Variants in GPHN observed in about 807,000 individuals in gnomAD.
GPHN encodes gephyrin.
GPHN carries 17 observed loss-of-function variants against 95.5 expected under a neutral mutation model. The ratio of observed to expected loss-of-function variants is 0.18; its 90% confidence interval spans 0.12 to 0.27. The LOEUF (loss-of-function observed/expected upper bound fraction) is 0.27. Among genes scored for constraint, GPHN ranks in the 10% least tolerant of loss-of-function variants. The pLI is 1.00. For synonymous variants in GPHN, 320 were observed against 322.5 expected, an observed-to-expected ratio of 0.99 and a Z score of 0.08; for missense variants, 660 against 978.1, an observed-to-expected ratio of 0.67 and a Z score of 4.34.
Position 67,036,931 on chromosome 14 carries a change from C to T in GPHN, c.1006+13256C>T, listed in dbSNP as rs183525234. Among the ~76,000 whole-genome samples, 320 of 151,972 alleles carry T rather than the reference C, an allele frequency of 2.1e-3. 1 individual carries two copies. Among genetic ancestry groups the T allele is most frequent in the African/African-American group, 7.2e-3 (301 of 41,522 alleles). On this transcript the variant is annotated intron_variant, in intron 10 of 22. Transcript: ENST00000478722. ...CATTTTTTATAGAAATAGAAAGTAC[C>T]ACCCTAAAATTCATATAGAATTTCA...
At chr14:67,306,752 ACTG>A in the GPHN span, among the ~76,000 whole-genome samples, 2 of 152,230 alleles carry the variant, frequency 1.3e-5, no homozygotes, top group African/African-American at 4.8e-5. Flanking sequence ...CTTAAAATGA[ACTG>A]CTATTATTAA....
chr14:67,505,203 G>T, the GPHN span, among the ~76,000 whole-genome samples: 1 of 152,126 alleles, frequency 6.6e-6, no homozygotes, highest in African/African-American at 2.4e-5. Flanking sequence ...GGTATAGAGG[G>T]TCAGAATGGG....
At chr14:66,726,725 A>T (rs766850392) in intron 2 of GPHN, among the ~76,000 whole-genome samples, 3 of 152,128 alleles carry the variant, frequency 2.0e-5, no homozygotes, top group Non-Finnish European at 4.4e-5. Context: ...ACACAGATTG[A>T]CCCTCCCTCA....
At chr14:67,130,705 A>G (rs551716673) in intron 17 of GPHN, among the ~76,000 whole-genome samples, 9 of 151,968 alleles carry the variant, frequency 5.9e-5, no homozygotes, top group Admixed American at 2.0e-4. Context: ...GGCTGAACCA[A>G]TCTACACTCC....
intron 1 of GPHN, among the ~76,000 whole-genome samples, chr14:66,670,344 A>G (rs1032302967): frequency 6.6e-6 from 1 of 152,214 alleles, no homozygotes; most frequent in Non-Finnish European, 1.5e-5. Flanking sequence ...CTTTCACCAG[A>G]AATATAAAGC....
intron 1 of GPHN, among the ~76,000 whole-genome samples, chr14:66,675,698 G>A (rs1180854512): frequency 6.6e-6 from 1 of 152,050 alleles, no homozygotes; most frequent in Non-Finnish European, 1.5e-5. Context: ...CAGATGTCCT[G>A]AAGCATTTCT....
the GPHN span, chr14:67,576,575 A>G: frequency 1.3e-6 from 1 of 790,858 alleles, no homozygotes; most frequent in South Asian, 1.5e-5. The surrounding 1 kb of genome is among the most constrained non-coding windows in gnomAD (Gnocchi z 4.0). Context: ...AAGATCCCAA[A>G]GAAAGCAGTG....
rs567129307 is a variant in GPHN at position 67,177,274 on chromosome 14, C to T, written c.2080-2304C>T. Among the ~76,000 whole-genome samples, 53 of 152,180 alleles carry T rather than the reference C, an allele frequency of 3.5e-4. 2 individuals are homozygous for T. In the South Asian group the frequency reaches 0.011, roughly 30 times the overall value. On this transcript the variant is annotated intron_variant, in intron 21 of 22. Coordinates refer to ENST00000478722, the MANE Select transcript of GPHN (RefSeq NM_020806.5). ...ACGTGTCCCAAAGATTCTGGTATGT[C>T]GTGTCTTTGTTCTCATTGGTTTCAA...
intron 1 of GPHN, among the ~76,000 whole-genome samples, chr14:66,565,531 C>T (rs149910111): frequency 6.6e-6 from 1 of 152,088 alleles, no homozygotes; most frequent in Non-Finnish European, 1.5e-5. Context: ...AACTCTTGGG[C>T]TCAAGTGATC....
intron 1 of GPHN, among the ~76,000 whole-genome samples, chr14:66,616,017 TC>T: frequency 6.6e-6 from 1 of 151,994 alleles, no homozygotes; most frequent in Non-Finnish European, 1.5e-5. Context: ...TTGTTGAAGA[TC>T]AGATGGTTGT....
At chr14:67,605,721 T>TA in the GPHN span, among the ~76,000 whole-genome samples, 1 of 152,140 alleles carries the variant, frequency 6.6e-6, no homozygotes, top group Non-Finnish European at 1.5e-5. Context: ...CTCGCTTTGT[T>TA]ACCTAGGCTG....
chr14:67,275,742 A>C, the GPHN span, among the ~76,000 whole-genome samples: 2 of 152,084 alleles, frequency 1.3e-5, no homozygotes, highest in South Asian at 4.1e-4. Context: ...CTGCGAATCC[A>C]TTTGGTCCTG....
intron 13 of GPHN, among the ~76,000 whole-genome samples, chr14:67,102,063 G>C (rs955511892): frequency 6.6e-6 from 1 of 151,698 alleles, no homozygotes; most frequent in Admixed American, 6.6e-5. Context: ...TAGTAGAGAG[G>C]GGATTTCACC....
the GPHN span, chr14:67,223,899 A>G: frequency 4.1e-6 from 4 of 985,640 alleles, no homozygotes; most frequent in Non-Finnish European, 4.8e-6. Context: ...CTGAATCTTA[A>G]TACCTCATTT....
chr14:67,313,290 A>T, the GPHN span, among the ~76,000 whole-genome samples: 2 of 152,232 alleles, frequency 1.3e-5, no homozygotes, highest in Admixed American at 1.3e-4. Flanking sequence ...GTCATGCATC[A>T]CTTAACGACA....
chr14:67,224,678 A>G, the GPHN span: 1 of 319,992 alleles, frequency 3.1e-6, no homozygotes, highest in Non-Finnish European at 6.0e-6. Flanking sequence ...ATTCTTTGAT[A>G]TTTTTTCCAA....
intron 1 of GPHN, among the ~76,000 whole-genome samples, chr14:66,629,193 G>GTATATAAATATATATTTATATACA (rs1382014492): frequency 9.6e-5 from 13 of 135,610 alleles, no homozygotes; most frequent in Admixed American, 4.5e-4. Flanking sequence ...ATATAAATAT[G>GTATATAAATATATATTTATATACA]TATATAAATA....
In GPHN at chr14:66,675,396, G is replaced by A. The variant is rs369172545; in HGVS notation, c.65-5711G>A. On this transcript the variant is annotated intron_variant, in intron 1 of 22. Transcript: ENST00000478722. ...CTTGACCTCATGATCTGCCCGCCTC[G>A]GCCTCCCAAAGTGCTGGGATGACAG... 6.6e-4 allele frequency among the ~76,000 whole-genome samples: 101 copies of A among 152,074 alleles called. 1 individual carries two copies. Among genetic ancestry groups the A allele is most frequent in the East Asian group, 6.6e-3 (34 of 5,164 alleles).
At chr14:67,389,348 G>A in the GPHN span, among the ~76,000 whole-genome samples, 1 of 152,118 alleles carries the variant, frequency 6.6e-6, no homozygotes. Context: ...TCCTGTCCTG[G>A]ATAGGAGAGT....
Sources: allele counts gnomAD v4.1 joint callset (sites outside exome capture counted in the v4.1 genomes callset), GRCh38; gene constraint gnomAD v4.1.1; non-coding constraint Gnocchi (gnomAD v3.1); transcripts MANE v1.5; gene names NCBI Gene and HGNC (gene_info 2026-07-23, HGNC 2026-07-21).